RYK: variants seen among roughly 807,000 people sequenced by gnomAD.
The protein encoded by RYK is inactive tyrosine-protein kinase RYK.
Under a neutral mutation model 70.2 loss-of-function variants are expected in RYK, and 21 were observed. That is an observed-to-expected ratio of 0.30 (90% CI 0.21 to 0.43). RYK has a LOEUF of 0.43. RYK is among the 20% of genes least tolerant of loss of function. The probability of loss-of-function intolerance (pLI) is 1.00; values close to 1 mark genes in which losing one functional copy is unlikely to be tolerated. For missense variants in RYK, 604 were observed against 753.3 expected (o/e 0.80, Z 2.32); for synonymous variants, 267 against 278.0 (o/e 0.96, Z 0.39).
chr3:134,189,633 C>G (rs1252933389), intron 8 of RYK, among the ~76,000 whole-genome samples: 1 of 147,216 alleles, frequency 6.8e-6, no homozygotes, highest in Non-Finnish European at 1.5e-5. Flanking sequence ...ATTAGCCGGG[C>G]GTGGGAGGCT....
At chr3:134,179,940 G>C (rs2013235581) in intron 10 of RYK, 1 of 152,198 alleles carries the variant, frequency 6.6e-6, no homozygotes, top group South Asian at 2.1e-4. Context: ...TCATGAAAAT[G>C]TTTCAAAGTA....
chr3:134,235,729 G>T (rs2015183236), intron 1 of RYK, among the ~76,000 whole-genome samples: 1 of 152,144 alleles, frequency 6.6e-6, no homozygotes, highest in South Asian at 2.1e-4. Context: ...GGACAGCAGG[G>T]GTTATTACTG....
rs1216880987 is a variant in RYK at position 134,159,166 on chromosome 3, C to T, written c.1712+71G>A. 85 of 1,496,388 alleles carry T rather than the reference C, an allele frequency of 5.7e-5. No individual in the cohort carries two copies. In the South Asian group the frequency reaches 9.5e-4, roughly 17 times the overall value. 92.7% of individuals were successfully genotyped at this position (1,496,388 alleles called of 1,614,324 possible). A position where few individuals can be genotyped will look rare whatever the true frequency, so the allele number is the denominator to read the frequency against. ...GAAGGCTCTGTGTGAATATGGAAAC[C>T]TGCTCTTTTTCCTTTATTCCAATAT... On this transcript the variant is annotated intron_variant, in intron 14 of 14. Transcript: ENST00000623711.
chr3:134,191,390 A>G (rs2013636476), intron 8 of RYK, among the ~76,000 whole-genome samples: 1 of 152,216 alleles, frequency 6.6e-6, no homozygotes, highest in African/African-American at 2.4e-5. Flanking sequence ...AGGGAACTGG[A>G]GACTGAAGAC....
rs1278704443 is a variant in RYK, at chr3:134,158,237, G to A, written c.1740C>T (p.Ala580=). Residue 580 remains alanine (A), a synonymous_variant, in exon 15 of 15, where the codon GCC becomes GCT. Transcript: ENST00000623711. ...ACTTGGGCCTCTCCTCTGGATCTAA[G>A]GCCCAGCAACAGGCCATCACAGCAA... The part of the protein sequence containing the change: ...ELFAVMACCW[A]LDPEERPKFQ... The A allele has an allele frequency of 1.3e-6, 2 of 1,571,214 alleles. 1 individual carries two copies. The highest frequency in any genetic ancestry group is 2.4e-5 in the South Asian group (2 of 84,128).
intron 1 of RYK, among the ~76,000 whole-genome samples, chr3:134,244,480 A>G (rs532599674): frequency 6.6e-6 from 1 of 152,298 alleles, no homozygotes; most frequent in East Asian, 1.9e-4. Flanking sequence ...GACTGAGTCA[A>G]GACCTGGCCT....
Position 134,250,537 on chromosome 3 carries a change from G to A in RYK, c.118C>T (p.Pro40Ser). ...LLLLALLPLL[P>S]APGAAAAPAP... ...GGGGCGGCGGCAGCGCCAGGCGCGG[G>A]CAGCAGCGGCAACAGCGCAAGCAGA... is the stretch of plus-strand genomic sequence containing the variant. Residue 40 changes from proline (P) to serine (S), a missense_variant, in exon 1 of 15, where the codon CCC becomes TCC. Pro to Ser is a moderately conservative substitution (Grantham distance 74). Transcript: ENST00000623711. 8.6e-7 allele frequency: 1 copy of A among 1,167,198 alleles called. No homozygotes were observed. The highest frequency in any genetic ancestry group is 1.1e-6 in the Non-Finnish European group (1 of 934,300). The allele number at this position is 1,167,198 out of a possible 1,614,324, so 72.3% of individuals were successfully genotyped here. A position where few individuals can be genotyped will look rare whatever the true frequency, so the allele number is the denominator to read the frequency against.
chr3:134,165,808 G>A (rs1378913162), intron 13 of RYK, among the ~76,000 whole-genome samples: 1 of 152,146 alleles, frequency 6.6e-6, no homozygotes, highest in African/African-American at 2.4e-5. Context: ...CTTCCCTTTG[G>A]AATGAGTATG....
rs759341783 is a variant in RYK at position 134,202,856 on chromosome 3, G to A, written c.662C>T (p.Ala221Val). The A allele has an allele frequency of 6.2e-7, 1 of 1,613,532 alleles. No individual in the cohort carries two copies. Among genetic ancestry groups the A allele is most frequent in the Non-Finnish European group, 8.5e-7 (1 of 1,179,736 alleles). The change falls in exon 6 of 15, where the codon GCT (alanine) becomes GTT (valine). Residue 221 changes from alanine (A) to valine (V), a missense_variant. Coordinates refer to ENST00000623711, the MANE Select transcript of RYK (RefSeq NM_002958.4). Reference sequence around the variant, plus strand: ...AAACACACGCGTAGAAGTGGTTGGAGCTGCATGTACAGGATCATCTGAAAT... The same window carrying A: ...AAACACACGCGTAGAAGTGGTTGGAACTGCATGTACAGGATCATCTGAAAT... ...SRTIYDPVHA[A>V]PTTSTRVFYI...
chr3:134,162,292 C>T (rs2012502796), intron 13 of RYK, among the ~76,000 whole-genome samples: 1 of 151,282 alleles, frequency 6.6e-6, no homozygotes. Flanking sequence ...ACACACCCAA[C>T]CCTACGTAAA....
At chr3:134,222,901 T>G (rs1470010343) in intron 1 of RYK, among the ~76,000 whole-genome samples, 1 of 152,062 alleles carries the variant, frequency 6.6e-6, no homozygotes, top group Non-Finnish European at 1.5e-5. Context: ...CCCAAAAAAT[T>G]TACGTAGACT....
At chr3:134,210,505 C>A (rs2014356470) in intron 3 of RYK, among the ~76,000 whole-genome samples, 1 of 152,268 alleles carries the variant, frequency 6.6e-6, no homozygotes, top group Middle Eastern at 3.4e-3. Flanking sequence ...TCCTTTACTG[C>A]CCATAAAAAT....
intron 8 of RYK, 81 bp downstream of exon 8, chr3:134,191,768 A>G: frequency 8.7e-7 from 1 of 1,143,054 alleles, no homozygotes; most frequent in Non-Finnish European, 1.2e-6. Context: ...ATGAGATGAA[A>G]TTTTTTAAAT....
chr3:134,169,942 T>C (rs2012834094), intron 13 of RYK, among the ~76,000 whole-genome samples: 1 of 152,194 alleles, frequency 6.6e-6, no homozygotes, highest in Non-Finnish European at 1.5e-5. Context: ...ATAATGACTG[T>C]GTGTACACAT....
intron 2 of RYK, among the ~76,000 whole-genome samples, chr3:134,216,035 C>CAA (rs11425839): frequency 0.011 from 1,432 of 130,512 alleles, 24 homozygotes; most frequent in African/African-American, 0.036. Flanking sequence ...GACTCAGTCT[C>CAA]AAAAAAAAAA....
At chr3:134,185,176 A>G (rs1399147593) in intron 9 of RYK, among the ~76,000 whole-genome samples, 1 of 152,084 alleles carries the variant, frequency 6.6e-6, no homozygotes, top group Non-Finnish European at 1.5e-5. Flanking sequence ...AAAGCTTCGG[A>G]CCAATGCAAT....
intron 13 of RYK, among the ~76,000 whole-genome samples, chr3:134,162,744 T>A (rs2012520588): frequency 6.6e-6 from 1 of 151,974 alleles, no homozygotes; most frequent in South Asian, 2.1e-4. Context: ...CAATGCTTTA[T>A]TTTTAAAATC....
chr3:134,185,945 C>T (rs1425864654), intron 9 of RYK, among the ~76,000 whole-genome samples: 1 of 152,058 alleles, frequency 6.6e-6, no homozygotes, highest in African/African-American at 2.4e-5. Context: ...GTAAGAAAAA[C>T]TCGTTTTCTT....
chr3:134,218,629 A>G (rs1298115286), intron 2 of RYK, among the ~76,000 whole-genome samples: 1 of 152,200 alleles, frequency 6.6e-6, no homozygotes, highest in Non-Finnish European at 1.5e-5. Context: ...CAAAAATGAC[A>G]CTAAATGACT....
Sources: allele counts gnomAD v4.1 joint callset (sites outside exome capture counted in the v4.1 genomes callset), GRCh38; gene constraint gnomAD v4.1.1; transcripts MANE v1.5; gene names NCBI Gene and HGNC (gene_info 2026-07-23, HGNC 2026-07-21).